The following SRSF7 variants were observed in gnomAD, a reference collection of about 807,000 sequenced individuals.
SRSF7 encodes the protein serine and arginine rich splicing factor 7, also known as serine/arginine-rich splicing factor 7.
Under a neutral mutation model 42.2 loss-of-function variants are expected in SRSF7, and 15 were observed. The observed-to-expected ratio is 0.36, with a 90% CI of 0.24 to 0.55. The LOEUF (loss-of-function observed/expected upper bound fraction) is 0.55, where lower values mean the gene tolerates loss of function less well. Ranked by LOEUF, SRSF7 falls within the 20% of genes least tolerant of loss-of-function variation. SRSF7 has a pLI of 0.88. For missense variants in SRSF7, 181 were observed against 305.9 expected (o/e 0.59, Z 3.04); for synonymous variants, 138 against 107.9 (o/e 1.28, Z -1.73).
At chr2:38,751,055 C>T (rs1668269841) in intron 1 of SRSF7, 174 bp downstream of exon 1, 1 of 748,096 alleles carries the variant, frequency 1.3e-6, no homozygotes, top group Non-Finnish European at 2.3e-6. Flanking sequence ...GTACACCCGC[C>T]ATCCCGTCTC....
intron 4 of SRSF7, 113 bp downstream of exon 4, chr2:38,748,466 C>T (rs952094147): frequency 9.3e-7 from 1 of 1,079,242 alleles, no homozygotes; most frequent in Non-Finnish European, 1.4e-6. Flanking sequence ...GTACTCCAGC[C>T]CGGGTGACAG....
Position 38,745,086 on chromosome 2 carries a change from A to C in SRSF7, c.*47T>G. On this transcript the variant is annotated 3_prime_UTR_variant, in exon 8 of 8. Coordinates refer to ENST00000313117, the MANE Select transcript of SRSF7 (RefSeq NM_001031684.3). ...TTACAGACATCACAAATCCCTTATA[A>C]TAATGTAAACAAAATAACTTTTCCC... is the stretch of plus-strand genomic sequence containing the variant. 6.3e-7 allele frequency: 1 copy of C among 1,590,878 alleles called. No homozygotes were observed. The highest frequency in any genetic ancestry group is 2.2e-5 in the East Asian group (1 of 44,690).
intron 6 of SRSF7, 60 bp downstream of exon 6, chr2:38,746,634 T>C: frequency 6.2e-7 from 1 of 1,600,940 alleles, no homozygotes. Context: ...AAAAACACTT[T>C]GAACTCTTTG....
intron 1 of SRSF7, among the ~76,000 whole-genome samples, chr2:38,750,640 C>T (rs1469355098): frequency 5.9e-5 from 9 of 152,002 alleles, no homozygotes; most frequent in Non-Finnish European, 1.5e-5. Context: ...GGCACAGGCT[C>T]GCCCAAGACT....
intron 4 of SRSF7, 21 bp downstream of exon 4, chr2:38,748,558 T>A (rs201919347): frequency 2.6e-5 from 42 of 1,610,192 alleles, no homozygotes; most frequent in Non-Finnish European, 3.2e-5. Flanking sequence ...ACAGAAAGAC[T>A]TCAGTTAAAC....
chr2:38,751,353 C>A lies in SRSF7; in HGVS notation c.-97G>T. On this transcript the variant is annotated 5_prime_UTR_variant, in exon 1 of 8. Transcript: ENST00000313117. Reference sequence around the variant, plus strand: ...CACCTTCACCCGCCAAGAGTCCCGGCGGCACTACGAGGAAGAGCCCGGGTT... The same window carrying A: ...CACCTTCACCCGCCAAGAGTCCCGGAGGCACTACGAGGAAGAGCCCGGGTT... 2 of 1,564,082 alleles carry A rather than the reference C, an allele frequency of 1.3e-6. No homozygotes were observed. Among genetic ancestry groups the A allele is most frequent in the Non-Finnish European group, 1.8e-6 (2 of 1,139,242 alleles).
intron 4 of SRSF7, 127 bp downstream of exon 4, chr2:38,748,452 C>T: frequency 2.1e-6 from 2 of 930,594 alleles, no homozygotes; most frequent in South Asian, 2.7e-5. Context: ...GTGGTTATGC[C>T]CCTGTACTCC....
At position 38,750,217 on chromosome 2, in the gene SRSF7, GA is replaced by G. The variant is rs970507312; in HGVS notation, c.29-24del. 2.5e-6 allele frequency: 4 copies of G among 1,576,366 alleles called. No homozygotes were observed. In the African/African-American group the frequency reaches 5.5e-5, roughly 22 times the overall value. ...TTTCTGTTTAAAAACGCAAATAGAA[GA>G]ATGCACGTTACGCAAAATCTGGCCC... On this transcript the variant is annotated intron_variant, in intron 1 of 7. Coordinates refer to ENST00000313117, the MANE Select transcript of SRSF7 (RefSeq NM_001031684.3).
At chr2:38,746,213 A>T (rs377697656) in intron 6 of SRSF7, 34 bp from the exon 7 acceptor site, 3 of 1,611,308 alleles carry the variant, frequency 1.9e-6, no homozygotes, top group Non-Finnish European at 1.7e-6. Context: ...TTAAAGAAAG[A>T]GTACTAACCA....
In SRSF7 at chr2:38,745,787, T is replaced by C. The variant is rs569534503; in HGVS notation, c.662+357A>G. 3.9e-5 allele frequency among the ~76,000 whole-genome samples: 6 copies of C among 152,346 alleles called. No homozygotes were observed. The South Asian group carries it at 1.2e-3, about 32-fold the overall frequency. On this transcript the variant is annotated intron_variant, in intron 7 of 7. Coordinates refer to ENST00000313117, the MANE Select transcript of SRSF7 (RefSeq NM_001031684.3). The stretch of plus-strand genomic sequence containing the variant: ...TAAATATGACAACTATTTGAAGTTT[T>C]CTGGTCATAAAGAAGCACTAGGCAG...
At chr2:38,745,246 A>G in intron 7 of SRSF7, 59 bp from the exon 8 acceptor site, 1 of 1,568,902 alleles carries the variant, frequency 6.4e-7, no homozygotes, top group East Asian at 2.2e-5. Flanking sequence ...TCTCATGTAC[A>G]TGTACTAACT....
chr2:38,749,897 C>T (rs1668024511), intron 2 of SRSF7, 117 bp downstream of exon 2: 1 of 1,312,996 alleles, frequency 7.6e-7, no homozygotes, highest in Non-Finnish European at 1.0e-6. Context: ...TAGCATTTAA[C>T]ACTATGACCA....
In SRSF7 at chr2:38,748,222, A is replaced by T. The variant is rs112496828; in HGVS notation, c.462-65T>A. 81 of 1,264,670 alleles carry T rather than the reference A, an allele frequency of 6.4e-5. 1 individual carries two copies. In the African/African-American group the frequency reaches 7.5e-4, roughly 12 times the overall value. The allele number at this position is 1,264,670 out of a possible 1,614,324, so 78.3% of individuals were successfully genotyped here. A position where few individuals can be genotyped will look rare whatever the true frequency, so the allele number is the denominator to read the frequency against. ...TTTTTTTTGGCCTGTTAAGACTTCA[A>T]CTGGGGAACGGTGCAGTGGCTCATG... On this transcript the variant is annotated intron_variant, in intron 4 of 7. Coordinates refer to ENST00000313117, the MANE Select transcript of SRSF7 (RefSeq NM_001031684.3).
Position 38,750,276 on chromosome 2 carries a change from C to T in SRSF7, c.29-82G>A, listed in dbSNP as rs549458557. ...AATTACTTATTTGCCTTAAAACGGG[C>T]CATCCTCAAGATTGGGTAAAGCACA... On this transcript the variant is annotated intron_variant, in intron 1 of 7. Transcript: ENST00000313117. 566 of 1,334,934 alleles carry T rather than the reference C, an allele frequency of 4.2e-4. 1 individual carries two copies. The highest frequency in any genetic ancestry group is 3.8e-4 in the Middle Eastern group (2 of 5,310). 82.7% of individuals were successfully genotyped at this position (1,334,934 alleles called of 1,614,324 possible). A position where few individuals can be genotyped will look rare whatever the true frequency, so the allele number is the denominator to read the frequency against.
chr2:38,749,269 G>T, intron 3 of SRSF7: 1 of 1,433,290 alleles, frequency 7.0e-7, no homozygotes, highest in Non-Finnish European at 9.3e-7. Flanking sequence ...TTAATTGTCG[G>T]ATTTGCAAGG....
intron 2 of SRSF7, 123 bp from the exon 3 acceptor site, chr2:38,749,828 G>C: frequency 7.7e-7 from 1 of 1,305,856 alleles, no homozygotes; most frequent in East Asian, 2.6e-5. Flanking sequence ...ACAAACTTTG[G>C]CGGTCTTTAC....
At chr2:38,749,432 C>CGAAT in intron 3 of SRSF7, 97 bp downstream of exon 3, 1 of 1,557,352 alleles carries the variant, frequency 6.4e-7, no homozygotes, top group South Asian at 1.2e-5. Context: ...GTACAATTAA[C>CGAAT]ATTCAAGTTT....
At chr2:38,747,593 T>C (rs1667657127) in intron 5 of SRSF7, among the ~76,000 whole-genome samples, 1 of 152,214 alleles carries the variant, frequency 6.6e-6, no homozygotes, top group Admixed American at 6.5e-5. Context: ...CATTCATTTC[T>C]GTGTACACAC....
Position 38,751,320 on chromosome 2 carries a change from C to T in SRSF7, c.-64G>A. On this transcript the variant is annotated 5_prime_UTR_variant, in exon 1 of 8. Transcript: ENST00000313117. ...GCCCAGGGCTCGAGTGACGCAAAAGCTGACACACACCTTCACCCGCCAAGA... is the reference window on the plus strand; with the variant it reads ...GCCCAGGGCTCGAGTGACGCAAAAGTTGACACACACCTTCACCCGCCAAGA... 132 of 1,610,168 alleles carry T rather than the reference C, an allele frequency of 8.2e-5. No homozygotes were observed. Among genetic ancestry groups the T allele is most frequent in the Non-Finnish European group, 9.6e-5 (113 of 1,177,380 alleles).
Sources: allele counts gnomAD v4.1 joint callset (sites outside exome capture counted in the v4.1 genomes callset), GRCh38; gene constraint gnomAD v4.1.1; transcripts MANE v1.5; gene names NCBI Gene and HGNC (gene_info 2026-07-23, HGNC 2026-07-21).